IRAK1BP1: variants seen among roughly 807,000 people sequenced by gnomAD.
IRAK1BP1 encodes interleukin 1 receptor associated kinase 1 binding protein 1, also known as interleukin-1 receptor-associated kinase 1-binding protein 1.
IRAK1BP1 carries 24 observed loss-of-function variants against 28.0 expected under a neutral mutation model. The observed-to-expected ratio is 0.86, with a 90% confidence interval of 0.62 to 1.20. IRAK1BP1 has a LOEUF of 1.20. Ranked by LOEUF, IRAK1BP1 falls within the 50% of genes most tolerant of loss-of-function variation. The probability of loss-of-function intolerance (pLI) is 0.00; values close to 1 mark genes in which losing one functional copy is unlikely to be tolerated. For synonymous variants in IRAK1BP1, 131 were observed against 116.3 expected, an observed-to-expected ratio of 1.13 and a Z score of -0.81; for missense variants, 336 against 316.7, an observed-to-expected ratio of 1.06 and a Z score of -0.46.
At chr6:78,873,445 G>A (rs1031464987) in intron 1 of IRAK1BP1, among the ~76,000 whole-genome samples, 2 of 151,026 alleles carry the variant, frequency 1.3e-5, no homozygotes, top group Non-Finnish European at 2.9e-5. Flanking sequence ...AATGTTTATT[G>A]GGTGTATTGG....
chr6:78,870,109 CAAAAAAAAAAAAAAAA>C (rs70977749), intron 1 of IRAK1BP1, among the ~76,000 whole-genome samples: 14 of 41,536 alleles, frequency 3.4e-4, no homozygotes, highest in African/African-American at 1.3e-3. Flanking sequence ...AACTCCGTCC[CAAAAAAAAAAAAAAAA>C]AAAAAAAAAA....
intron 4 of IRAK1BP1, chr6:78,940,704 T>A: frequency 1.2e-6 from 2 of 1,610,578 alleles, no homozygotes; most frequent in Non-Finnish European, 1.7e-6. Flanking sequence ...TACCAACCAA[T>A]TAAATTAGCT....
chr6:78,890,322 T>C (rs1447186269), intron 2 of IRAK1BP1, among the ~76,000 whole-genome samples: 1 of 151,472 alleles, frequency 6.6e-6, no homozygotes, highest in East Asian at 1.9e-4. Flanking sequence ...CTAATGTAGA[T>C]GACAGGTTGA....
chr6:78,916,684 GAAA>G lies in IRAK1BP1; in HGVS notation c.*67+13577_*67+13579del, dbSNP rs556590585. Among the ~76,000 whole-genome samples the G allele has an allele frequency of 1.2e-3, 181 of 152,086 alleles. 1 individual carries two copies. The highest frequency in any genetic ancestry group is 4.3e-3 in the African/African-American group (178 of 41,486). On this transcript the variant is annotated intron_variant and NMD_transcript_variant, in intron 4 of 4. Transcript: ENST00000606868. ...GTAGTTTGCCAAGACAGCTAATATA[GAAA>G]AATCTACATCTAGGTGAACAAAGAG...
At chr6:78,884,025 G>A (rs1056045092) in intron 1 of IRAK1BP1, among the ~76,000 whole-genome samples, 1 of 152,120 alleles carries the variant, frequency 6.6e-6, no homozygotes. Flanking sequence ...TACTGTTTAA[G>A]GGAGAACTAC....
intron 4 of IRAK1BP1, among the ~76,000 whole-genome samples, chr6:78,921,293 G>A (rs895199978): frequency 4.3e-4 from 65 of 152,176 alleles, no homozygotes; most frequent in African/African-American, 1.6e-3. Flanking sequence ...CCCCTGGCTT[G>A]GAGGCTCCAA....
the IRAK1BP1 span, chr6:78,963,250 C>T: frequency 1.3e-6 from 2 of 1,597,718 alleles, no homozygotes; most frequent in Non-Finnish European, 1.7e-6. Context: ...TCAGGAAATA[C>T]AGCTGAAATA....
At chr6:78,883,594 CAT>C (rs1419446823) in intron 1 of IRAK1BP1, among the ~76,000 whole-genome samples, 10 of 151,960 alleles carry the variant, frequency 6.6e-5, no homozygotes, top group Non-Finnish European at 1.2e-4. Context: ...AAAAATGAGA[CAT>C]GTTTTATGAC....
rs988257854 is a variant in IRAK1BP1 at position 78,901,625 on chromosome 6, C to T, written c.*3291C>T. On this transcript the variant is annotated 3_prime_UTR_variant, in exon 4 of 4. Coordinates refer to ENST00000369940, the MANE Select transcript of IRAK1BP1 (RefSeq NM_001010844.4). ...CTAAATAGGATATTTGAAACAGACC[C>T]ACTGTATCCTAAATGGAAGTGCTAT... 4 of 151,838 alleles carry T rather than the reference C, an allele frequency of 2.6e-5. No homozygotes were observed. The highest frequency in any genetic ancestry group is 2.6e-4 in the Admixed American group (4 of 15,254). The allele number at this position is 151,838 out of a possible 1,614,324, so 9.4% of individuals were successfully genotyped here.
At chr6:78,934,710 T>C (rs1482821901) in intron 4 of IRAK1BP1, among the ~76,000 whole-genome samples, 1 of 152,174 alleles carries the variant, frequency 6.6e-6, no homozygotes, top group East Asian at 1.9e-4. Flanking sequence ...TTGAACAGAA[T>C]TAGACCTCAC....
chr6:78,909,895 T>C (rs998284731), intron 4 of IRAK1BP1, among the ~76,000 whole-genome samples: 8 of 152,230 alleles, frequency 5.3e-5, no homozygotes, highest in Non-Finnish European at 1.0e-4. Context: ...TTTCTATATG[T>C]TGGATATTTT....
chr6:78,896,175 A>C (rs183090130), intron 2 of IRAK1BP1, among the ~76,000 whole-genome samples: 3 of 152,174 alleles, frequency 2.0e-5, no homozygotes, highest in Non-Finnish European at 4.4e-5. Context: ...AAATTAATCT[A>C]TACAATCCTA....
At chr6:78,868,059 A>G (rs1381450505) in intron 1 of IRAK1BP1, among the ~76,000 whole-genome samples, 168 bp downstream of exon 1, 1 of 152,242 alleles carries the variant, frequency 6.6e-6, no homozygotes, top group African/African-American at 2.4e-5. Context: ...GGCAGAGTGA[A>G]TATTTGACCC....
chr6:78,944,071 T>C (rs566345103), intron 4 of IRAK1BP1, among the ~76,000 whole-genome samples: 1 of 149,724 alleles, frequency 6.7e-6, no homozygotes, highest in East Asian at 2.0e-4. Context: ...GAAGACGATA[T>C]TTTAAGTGAG....
chr6:78,889,116 CAA>C (rs201870779), intron 2 of IRAK1BP1, among the ~76,000 whole-genome samples: 2 of 79,844 alleles, frequency 2.5e-5, no homozygotes, highest in East Asian at 3.7e-4. Context: ...GACTCTGTCT[CAA>C]AAAAAAAAAA....
chr6:78,915,114 C>G (rs532276754), intron 4 of IRAK1BP1, among the ~76,000 whole-genome samples: 5 of 152,318 alleles, frequency 3.3e-5, no homozygotes, highest in Admixed American at 2.6e-4. Context: ...GCCACCGCAC[C>G]TGGCCTAAGT....
intron 4 of IRAK1BP1, among the ~76,000 whole-genome samples, chr6:78,942,443 A>G (rs1169578083): frequency 1.3e-5 from 2 of 152,200 alleles, no homozygotes; most frequent in East Asian, 3.9e-4. Context: ...AGATCACGCC[A>G]CTGCACTCCA....
intron 4 of IRAK1BP1, among the ~76,000 whole-genome samples, chr6:78,914,770 A>G (rs1215827795): frequency 1.3e-5 from 2 of 152,186 alleles, no homozygotes; most frequent in Non-Finnish European, 2.9e-5. Flanking sequence ...AAATTTTATC[A>G]GTACCAATTA....
chr6:78,967,374 T>TTATGACCC, the IRAK1BP1 span, among the ~76,000 whole-genome samples: 1 of 152,164 alleles, frequency 6.6e-6, no homozygotes, highest in African/African-American at 2.4e-5. Flanking sequence ...GAGCTGTATC[T>TTATGACCC]TATGACCCTA....
Sources: gnomAD v4.1 joint callset for allele counts (sites outside exome capture counted in the v4.1 genomes callset) on GRCh38, gnomAD v4.1.1 for gene constraint, MANE v1.5 for transcripts, NCBI Gene and HGNC (gene_info 2026-07-23, HGNC 2026-07-21) for gene names.